TP53INP1: variants seen among roughly 807,000 people sequenced by gnomAD.
TP53INP1 encodes tumor protein p53-inducible nuclear protein 1.
In TP53INP1, 12 loss-of-function variants were observed where a neutral mutation model predicts 21.0. That is an observed-to-expected ratio of 0.57 (90% CI 0.37 to 0.93). The LOEUF (loss-of-function observed/expected upper bound fraction) is 0.93, where lower values mean the gene tolerates loss of function less well. Among genes scored for constraint, TP53INP1 ranks in the 40% least tolerant of loss-of-function variants. The pLI, the probability that TP53INP1 is intolerant of heterozygous loss-of-function variation, is 0.01. For synonymous variants in TP53INP1, 91 were observed against 94.8 expected, an observed-to-expected ratio of 0.96 and a Z score of 0.23; for missense variants, 274 against 294.7, an observed-to-expected ratio of 0.93 and a Z score of 0.51.
chr8:94,930,668 A>G lies in TP53INP1; in HGVS notation c.534T>C (p.Ala178=). The G allele has an allele frequency of 6.2e-7, 1 of 1,614,236 alleles. No homozygotes were observed. Among genetic ancestry groups the G allele is most frequent in the Admixed American group, 1.7e-5 (1 of 60,034 alleles). Residue 178 remains alanine (A), a synonymous_variant, in exon 4 of 4, where the codon GCT becomes GCC. Transcript: ENST00000342697. The part of the protein sequence containing the change: ...HIHCYVAALA[A]HTTFLEQPKS... ...TGGGTTGTTCCAGAAAAGTTGTATG[A>G]GCAGCAAGAGCTGCAACATAACAAT...
At chr8:94,933,277 GT>G (rs1820608645) in intron 3 of TP53INP1, among the ~76,000 whole-genome samples, 1 of 152,100 alleles carries the variant, frequency 6.6e-6, no homozygotes, top group African/African-American at 2.4e-5. Flanking sequence ...GTATGTATTT[GT>G]TTTACTATCC....
chr8:94,932,216 G>A (rs770897924), intron 3 of TP53INP1: 48 of 1,141,504 alleles, frequency 4.2e-5, no homozygotes, highest in Non-Finnish European at 6.2e-5. Context: ...TTTACTATGT[G>A]CCATTAAAGG....
At chr8:94,938,012 G>A (rs1319122335) in intron 3 of TP53INP1, among the ~76,000 whole-genome samples, 6 of 152,178 alleles carry the variant, frequency 3.9e-5, no homozygotes, top group African/African-American at 1.2e-4. Context: ...TATAAATGAA[G>A]AGAAAGAAGA....
Position 94,930,268 on chromosome 8 carries a change from A to T in TP53INP1, c.*211T>A. ...TATGTTTCCAGAAATAATCTGAAAA[A>T]GTGTACAAAAAAAGTAAATGTTAAA... On this transcript the variant is annotated 3_prime_UTR_variant, in exon 4 of 4. Transcript: ENST00000342697. The T allele has an allele frequency of 1.7e-6, 1 of 594,610 alleles. No individual in the cohort carries two copies. The highest frequency in any genetic ancestry group is 1.9e-5 in the African/African-American group (1 of 53,850). The allele number at this position is 594,610 out of a possible 1,614,324, so 36.8% of individuals were successfully genotyped here.
chr8:94,931,294 A>G (rs994500720), intron 3 of TP53INP1, among the ~76,000 whole-genome samples: 1 of 152,218 alleles, frequency 6.6e-6, no homozygotes, highest in Non-Finnish European at 1.5e-5. Flanking sequence ...TTTTCTAGAT[A>G]AAAAGCTATA....
rs1261724672 is a variant in TP53INP1 at position 94,937,777 on chromosome 8, G to T, written c.473+2083C>A. Among the ~76,000 whole-genome samples the T allele has an allele frequency of 1.6e-4, 25 of 152,124 alleles. 1 individual carries two copies. Among genetic ancestry groups the T allele is most frequent in the Admixed American group, 1.6e-3 (25 of 15,254 alleles). On this transcript the variant is annotated intron_variant, in intron 3 of 3. Coordinates refer to ENST00000342697, the MANE Select transcript of TP53INP1 (RefSeq NM_033285.4). ...ATGTCAAAATTCCTAAGGGTCTTAT[G>T]GGGGTTACCTAGACCCCATCTTGCA...
chr8:94,935,107 G>GTACA (rs1356940369), intron 3 of TP53INP1, among the ~76,000 whole-genome samples: 30 of 146,906 alleles, frequency 2.0e-4, no homozygotes, highest in Non-Finnish European at 3.4e-4. Flanking sequence ...AGGTAGGTAG[G>GTACA]TAGGTACATA....
chr8:94,933,170 T>C (rs1820594637), intron 3 of TP53INP1, among the ~76,000 whole-genome samples: 1 of 151,442 alleles, frequency 6.6e-6, no homozygotes, highest in Non-Finnish European at 1.5e-5. Context: ...GAGCCGAGAT[T>C]GCGCCGCTGC....
At position 94,939,987 on chromosome 8, in the gene TP53INP1, T is replaced by C; in HGVS notation, c.346A>G (p.Thr116Ala). The C allele has an allele frequency of 6.2e-7, 1 of 1,614,182 alleles. No homozygotes were observed. The highest frequency in any genetic ancestry group is 8.5e-7 in the Non-Finnish European group (1 of 1,180,020). The change falls in exon 3 of 4, where the codon ACA becomes GCA. Residue 116 changes from threonine to alanine, a missense_variant. Coordinates refer to ENST00000342697, the MANE Select transcript of TP53INP1 (RefSeq NM_033285.4). ...ATGAGAAGGTTTTCCATAGGACTTGTTTCCACCTTGATAGTGGTTAATCCA... is the reference window on the plus strand; with the variant it reads ...ATGAGAAGGTTTTCCATAGGACTTGCTTCCACCTTGATAGTGGTTAATCCA... ...AGGLTTIKVE[T>A]SPMENLLIEH...
At chr8:94,935,760 G>C (rs148473563) in intron 3 of TP53INP1, among the ~76,000 whole-genome samples, 142 of 152,260 alleles carry the variant, frequency 9.3e-4, no homozygotes, top group Non-Finnish European at 1.4e-3. Context: ...AAAATGCAAG[G>C]GTTGATAGAA....
rs1310029786 is a variant in TP53INP1, at chr8:94,926,868, A to T, written c.*3611T>A. 3 of 152,216 alleles carry T rather than the reference A, an allele frequency of 2.0e-5. No homozygotes were observed. Among genetic ancestry groups the T allele is most frequent in the African/African-American group, 7.2e-5 (3 of 41,458 alleles). 9.4% of individuals were successfully genotyped at this position (152,216 alleles called of 1,614,324 possible). The stretch of plus-strand genomic sequence containing the variant: ...TGTATCATGTAGGTTTTCTAAATAA[A>T]GCATTTTATGTATAATTTTAAGCAT... On this transcript the variant is annotated 3_prime_UTR_variant, in exon 4 of 4. Transcript: ENST00000342697.
intron 3 of TP53INP1, among the ~76,000 whole-genome samples, chr8:94,931,877 C>A (rs944523461): frequency 1.3e-5 from 2 of 152,068 alleles, no homozygotes; most frequent in African/African-American, 4.8e-5. Flanking sequence ...GAGGCTGAAA[C>A]AAGAGAATCA....
At chr8:94,934,581 C>T (rs768958476) in intron 3 of TP53INP1, among the ~76,000 whole-genome samples, 8 of 151,950 alleles carry the variant, frequency 5.3e-5, no homozygotes, top group Non-Finnish European at 1.2e-4. Context: ...GGGGTTTTGC[C>T]ATGTTGTCCA....
intron 3 of TP53INP1, among the ~76,000 whole-genome samples, chr8:94,935,122 G>GGTAGAT (rs1820832037): frequency 2.6e-5 from 3 of 115,058 alleles, no homozygotes; most frequent in African/African-American, 6.9e-5. Context: ...TACATAGGTA[G>GGTAGAT]ATAGATATAG....
At chr8:94,942,803 A>G (rs1248522524) in intron 1 of TP53INP1, among the ~76,000 whole-genome samples, 1 of 152,166 alleles carries the variant, frequency 6.6e-6, no homozygotes, top group Non-Finnish European at 1.5e-5. Context: ...AAGGAACACT[A>G]TGGAAGCCTG....
At chr8:94,937,357 C>A (rs1193122896) in intron 3 of TP53INP1, among the ~76,000 whole-genome samples, 1 of 151,276 alleles carries the variant, frequency 6.6e-6, no homozygotes, top group East Asian at 1.9e-4. Flanking sequence ...AGGAGAATCA[C>A]TTGAACCCGG....
At chr8:94,933,090 T>C (rs1820584924) in intron 3 of TP53INP1, among the ~76,000 whole-genome samples, 1 of 151,990 alleles carries the variant, frequency 6.6e-6, no homozygotes, top group Non-Finnish European at 1.5e-5. Context: ...TGGTGGCATG[T>C]GCCAGTAATC....
At chr8:94,946,285 G>A (rs1172489997) in intron 1 of TP53INP1, among the ~76,000 whole-genome samples, 1 of 152,122 alleles carries the variant, frequency 6.6e-6, no homozygotes, top group East Asian at 1.9e-4. Context: ...TACTCACGGG[G>A]AAGAGCATTC....
At position 94,933,835 on chromosome 8, in the gene TP53INP1, G is replaced by T. The variant is rs555988850; in HGVS notation, c.474-3107C>A. On this transcript the variant is annotated intron_variant, in intron 3 of 3. Transcript: ENST00000342697. ...CATGCCTGTAATCCCAGCACTTTGT[G>T]GGGGGGGGGGGAGGATCACGAGGTC... Among the ~76,000 whole-genome samples, 102 of 14,284 alleles carry T rather than the reference G, an allele frequency of 7.1e-3. 1 individual carries two copies. The highest frequency in any genetic ancestry group is 0.042 in the Middle Eastern group (1 of 24). 9.4% of individuals were successfully genotyped at this position (14,284 alleles called of 152,430 possible).
Sources: allele counts gnomAD v4.1 joint callset (sites outside exome capture counted in the v4.1 genomes callset), GRCh38; gene constraint gnomAD v4.1.1; transcripts MANE v1.5; gene names NCBI Gene and HGNC (gene_info 2026-07-23, HGNC 2026-07-21).